Variants in DNAJB14 observed in about 807,000 individuals in gnomAD.
DNAJB14 encodes DnaJ heat shock protein family (Hsp40) member B14.
A neutral mutation model predicts 48.4 loss-of-function variants in DNAJB14; 22 were observed. That is an observed-to-expected ratio of 0.45 (90% CI 0.32 to 0.65). The LOEUF (loss-of-function observed/expected upper bound fraction) is 0.65. DNAJB14 is among the 30% of genes least tolerant of loss of function. The pLI, the probability that DNAJB14 is intolerant of heterozygous loss-of-function variation, is 0.03. For synonymous variants in DNAJB14, 142 were observed against 158.7 expected, an observed-to-expected ratio of 0.89 and a Z score of 0.79; for missense variants, 319 against 458.8, an observed-to-expected ratio of 0.70 and a Z score of 2.78.
chr4:99,901,712 A>G (rs1340061690), intron 7 of DNAJB14, among the ~76,000 whole-genome samples: 8 of 152,176 alleles, frequency 5.3e-5, no homozygotes, highest in Non-Finnish European at 1.2e-4. Context: ...GGCTTCCTTC[A>G]GTGTGTGGGA....
chr4:99,939,761 T>C lies in DNAJB14; in HGVS notation c.133+6678A>G, dbSNP rs115785300. ...CATCTTAAAAATGGAATCAGCAAAG[T>C]TGTCAGTACTAATAATCACTGGAAC... On this transcript the variant is annotated intron_variant, in intron 1 of 7. Transcript: ENST00000442697. 9.7e-4 allele frequency among the ~76,000 whole-genome samples: 148 copies of C among 152,312 alleles called. 1 individual carries two copies. The highest frequency in any genetic ancestry group is 3.2e-3 in the African/African-American group (135 of 41,574).
At chr4:99,937,736 G>A (rs1430395309) in intron 1 of DNAJB14, among the ~76,000 whole-genome samples, 2 of 151,570 alleles carry the variant, frequency 1.3e-5, no homozygotes, top group South Asian at 2.1e-4. Context: ...AGGAACACAC[G>A]TCACTTCCAT....
At chr4:99,924,691 T>C in intron 2 of DNAJB14, 1 of 1,595,726 alleles carries the variant, frequency 6.3e-7, no homozygotes, top group South Asian at 1.1e-5. Flanking sequence ...AGAGACTCAT[T>C]CTCCTAGAAA....
chr4:99,910,902 A>G (rs1296908693), intron 3 of DNAJB14, among the ~76,000 whole-genome samples: 1 of 151,952 alleles, frequency 6.6e-6, no homozygotes, highest in Non-Finnish European at 1.5e-5. Flanking sequence ...ATTTTTCCCA[A>G]CAGTAATATT....
intron 1 of DNAJB14, among the ~76,000 whole-genome samples, chr4:99,944,577 T>G (rs944633392): frequency 4.0e-5 from 6 of 151,786 alleles, no homozygotes; most frequent in African/African-American, 1.5e-4. Context: ...TTGGTCTTTT[T>G]TTTTTTGTTT....
At chr4:99,930,370 T>C in intron 2 of DNAJB14, 80 bp downstream of exon 2, 1 of 1,368,124 alleles carries the variant, frequency 7.3e-7, no homozygotes, top group Non-Finnish European at 9.9e-7. Context: ...ATGTTATATT[T>C]CACTTTTTTC....
intron 2 of DNAJB14, chr4:99,923,794 CT>C (rs1446559828): frequency 1.0e-6 from 1 of 970,518 alleles, no homozygotes; most frequent in African/African-American, 1.8e-5. Context: ...CCATCTCAGC[CT>C]TCCAAAGTGC....
rs1725163761 is a variant in DNAJB14, at chr4:99,897,172, G to A, written c.*3856C>T. 1 of 139,936 alleles carries A rather than the reference G, an allele frequency of 7.1e-6. No individual in the cohort carries two copies. The highest frequency in any genetic ancestry group is 2.2e-4 in the South Asian group (1 of 4,516). The allele number at this position is 139,936 out of a possible 1,614,324, so 8.7% of individuals were successfully genotyped here. ...GTATATATTAAACAATCACACATTT[G>A]AGGTAATTAGCTGGGAAAAAAAAAA... On this transcript the variant is annotated 3_prime_UTR_variant, in exon 8 of 8. Coordinates refer to ENST00000442697, the MANE Select transcript of DNAJB14 (RefSeq NM_001031723.4).
chr4:99,920,132 A>AATAAGC (rs960174874), intron 3 of DNAJB14, among the ~76,000 whole-genome samples: 1 of 152,176 alleles, frequency 6.6e-6, no homozygotes, highest in Non-Finnish European at 1.5e-5. Context: ...GAGATTTTTA[A>AATAAGC]ATAAGCATTA....
rs1725183818 is a variant in DNAJB14 at position 99,897,998 on chromosome 4, C to T, written c.*3030G>A. On this transcript the variant is annotated 3_prime_UTR_variant, in exon 8 of 8. Coordinates refer to ENST00000442697, the MANE Select transcript of DNAJB14 (RefSeq NM_001031723.4). ...TTTTTTTAATGAAATACATAGGAATCCATTAAGTAACATTAGCATGTCATG... is the reference window on the plus strand; with the variant it reads ...TTTTTTTAATGAAATACATAGGAATTCATTAAGTAACATTAGCATGTCATG... 1 of 151,808 alleles carries T rather than the reference C, an allele frequency of 6.6e-6. No individual in the cohort carries two copies. Among genetic ancestry groups the T allele is most frequent in the African/African-American group, 2.4e-5 (1 of 41,346 alleles). The allele number at this position is 151,808 out of a possible 1,614,324, so 9.4% of individuals were successfully genotyped here.
intron 1 of DNAJB14, among the ~76,000 whole-genome samples, chr4:99,943,587 T>A (rs891341195): frequency 6.6e-6 from 1 of 152,188 alleles, no homozygotes. Context: ...ACAACAGCAC[T>A]ATGAGATCAG....
Position 99,908,885 on chromosome 4 carries a change from C to G in DNAJB14, c.463G>C (p.Ala155Pro). The change falls in exon 4 of 8, where the codon GCT becomes CCT. Residue 155 changes from alanine to proline, a missense_variant. This residue lies in a region of DNAJB14 where 37 missense variants were observed against 87.8 expected (regional missense o/e 0.42). Transcript: ENST00000442697. ...TCTGGATTACTTAAAACAGCATAAG[C>G]ATTTCCAATCTCTGAAAAAGTAATG... ...ATDAFKKIGN[A>P]YAVLSNPEKR... 1 of 1,560,776 alleles carries G rather than the reference C, an allele frequency of 6.4e-7. No individual in the cohort carries two copies. The highest frequency in any genetic ancestry group is 8.6e-7 in the Non-Finnish European group (1 of 1,157,882).
chr4:99,900,333 G>A lies in DNAJB14; in HGVS notation c.*695C>T, dbSNP rs1725256865. On this transcript the variant is annotated 3_prime_UTR_variant, in exon 8 of 8. Coordinates refer to ENST00000442697, the MANE Select transcript of DNAJB14 (RefSeq NM_001031723.4). Reference sequence around the variant, plus strand: ...ATTTTCTTTAAAATTTATCAGTATAGCATTTCATTTCTATGCATGTATATG... The same window carrying A: ...ATTTTCTTTAAAATTTATCAGTATAACATTTCATTTCTATGCATGTATATG... The A allele has an allele frequency of 6.6e-6, 1 of 151,770 alleles. No homozygotes were observed. Among genetic ancestry groups the A allele is most frequent in the South Asian group, 2.1e-4 (1 of 4,808 alleles). 9.4% of individuals were successfully genotyped at this position (151,770 alleles called of 1,614,324 possible).
chr4:99,944,065 A>G (rs935112244), intron 1 of DNAJB14, among the ~76,000 whole-genome samples: 1 of 152,212 alleles, frequency 6.6e-6, no homozygotes, highest in Non-Finnish European at 1.5e-5. Context: ...ATGTGATTTA[A>G]AAATGGGCAA....
At chr4:99,944,314 A>G (rs1339055957) in intron 1 of DNAJB14, among the ~76,000 whole-genome samples, 1 of 152,212 alleles carries the variant, frequency 6.6e-6, no homozygotes, top group Non-Finnish European at 1.5e-5. Flanking sequence ...AAAATGGTGC[A>G]GGCGCTACAG....
intron 3 of DNAJB14, 84 bp from the exon 4 acceptor site, chr4:99,908,980 A>C: frequency 1.0e-6 from 1 of 957,606 alleles, no homozygotes; most frequent in Non-Finnish European, 1.5e-6. Context: ...CATCATGCTG[A>C]AAAAAAGACT....
At chr4:99,938,869 T>TAGCC (rs1444741373) in intron 1 of DNAJB14, among the ~76,000 whole-genome samples, 17 of 152,084 alleles carry the variant, frequency 1.1e-4, no homozygotes, top group Non-Finnish European at 2.4e-4. Flanking sequence ...TGAAAAGGAA[T>TAGCC]AGCCTCCTTT....
intron 4 of DNAJB14, 43 bp downstream of exon 4, chr4:99,908,668 T>G: frequency 7.0e-7 from 1 of 1,420,598 alleles, no homozygotes; most frequent in Non-Finnish European, 9.4e-7. Flanking sequence ...GGTAAGACTA[T>G]GTAGCTTCAT....
chr4:99,898,767 AAATGT>A lies in DNAJB14; in HGVS notation c.*2256_*2260del, dbSNP rs1227387836. The A allele has an allele frequency of 6.6e-6, 1 of 151,966 alleles. No individual in the cohort carries two copies. Among genetic ancestry groups the A allele is most frequent in the Non-Finnish European group, 1.5e-5 (1 of 67,826 alleles). 9.4% of individuals were successfully genotyped at this position (151,966 alleles called of 1,614,324 possible). A position where few individuals can be genotyped will look rare whatever the true frequency, so the allele number is the denominator to read the frequency against. On this transcript the variant is annotated 3_prime_UTR_variant, in exon 8 of 8. Coordinates refer to ENST00000442697, the MANE Select transcript of DNAJB14 (RefSeq NM_001031723.4). Reference sequence around the variant, plus strand: ...TCATGTAGCTAAACATAAGATGGCAAAATGTTGGGATTTTTATTATAAAAAAAGCA... The same window carrying A: ...TCATGTAGCTAAACATAAGATGGCAATGGGATTTTTATTATAAAAAAAGCA...
Sources: allele counts gnomAD v4.1 joint callset (sites outside exome capture counted in the v4.1 genomes callset), GRCh38; gene constraint gnomAD v4.1.1; regional missense constraint gnomAD v4.1.1; transcripts MANE v1.5; gene names NCBI Gene and HGNC (gene_info 2026-07-23, HGNC 2026-07-21).